The following SPAG16 variants were observed in gnomAD, a reference collection of about 807,000 sequenced individuals.
SPAG16 encodes the protein sperm associated antigen 16.
In SPAG16, 86 loss-of-function variants were observed where a neutral mutation model predicts 80.4. The observed-to-expected ratio is 1.07, with a 90% CI of 0.90 to 1.28. The LOEUF (loss-of-function observed/expected upper bound fraction) is 1.28, where lower values mean the gene tolerates loss of function less well. SPAG16 is among the 50% of genes most tolerant of loss of function. The probability of loss-of-function intolerance (pLI) is 0.00; values close to 1 mark genes in which losing one functional copy is unlikely to be tolerated. For synonymous variants in SPAG16, 294 were observed against 265.9 expected, an observed-to-expected ratio of 1.11 and a Z score of -1.03; for missense variants, 870 against 765.3, an observed-to-expected ratio of 1.14 and a Z score of -1.61.
chr2:213,317,179 A>G, intron 4 of SPAG16, 40 bp from the exon 5 acceptor site: 7 of 1,358,424 alleles, frequency 5.2e-6, no homozygotes, highest in Non-Finnish European at 7.0e-6. Context: ...AATTTGGCAG[A>G]AAGAAATGAT....
chr2:213,935,935 A>G (rs1419617539), intron 12 of SPAG16, among the ~76,000 whole-genome samples: 1 of 152,220 alleles, frequency 6.6e-6, no homozygotes, highest in Non-Finnish European at 1.5e-5. Flanking sequence ...AAATAAGCCA[A>G]ATGAAAAATG....
At chr2:214,301,052 A>G (rs1433739922) in intron 15 of SPAG16, among the ~76,000 whole-genome samples, 3 of 148,030 alleles carry the variant, frequency 2.0e-5, no homozygotes, top group African/African-American at 4.9e-5. Flanking sequence ...TAATAATAAT[A>G]ATAATAATAA....
chr2:214,210,520 T>C (rs1041468028), intron 15 of SPAG16, among the ~76,000 whole-genome samples: 1 of 152,204 alleles, frequency 6.6e-6, no homozygotes, highest in African/African-American at 2.4e-5. Context: ...GTGGATTTTC[T>C]ATTTCCTGGG....
intron 11 of SPAG16, among the ~76,000 whole-genome samples, chr2:213,927,931 T>A (rs2078561389): frequency 6.6e-6 from 1 of 152,222 alleles, no homozygotes; most frequent in African/African-American, 2.4e-5. Flanking sequence ...ATAAGTGTAT[T>A]GTTCAATCTT....
At chr2:213,339,218 C>A (rs546040096) in intron 5 of SPAG16, among the ~76,000 whole-genome samples, 1 of 152,102 alleles carries the variant, frequency 6.6e-6, no homozygotes, top group Non-Finnish European at 1.5e-5. Context: ...CTTCTGACAC[C>A]GCTTAAAGCA....
intron 13 of SPAG16, among the ~76,000 whole-genome samples, chr2:214,078,041 G>A (rs1456171902): frequency 1.3e-5 from 2 of 152,126 alleles, no homozygotes; most frequent in Non-Finnish European, 2.9e-5. Flanking sequence ...GGGAACTCAG[G>A]TGATGAGAGG....
At chr2:213,680,073 C>T (rs1431259323) in intron 10 of SPAG16, among the ~76,000 whole-genome samples, 11 of 152,036 alleles carry the variant, frequency 7.2e-5, no homozygotes. Flanking sequence ...CATGAAGTTG[C>T]ACTCAAAAGC....
chr2:214,098,118 C>G (rs2052732901), intron 13 of SPAG16, among the ~76,000 whole-genome samples: 1 of 152,062 alleles, frequency 6.6e-6, no homozygotes. Context: ...AAATATACAA[C>G]TTTTCATTTT....
intron 10 of SPAG16, among the ~76,000 whole-genome samples, chr2:213,702,310 C>A (rs1050456077): frequency 6.6e-6 from 1 of 152,246 alleles, no homozygotes; most frequent in Non-Finnish European, 1.5e-5. Context: ...CCAGCTGCGG[C>A]AACCCGCTTG....
chr2:213,532,286 C>A (rs1332341450), intron 10 of SPAG16, among the ~76,000 whole-genome samples: 1 of 151,990 alleles, frequency 6.6e-6, no homozygotes, highest in Non-Finnish European at 1.5e-5. Context: ...CTTTAGAAAA[C>A]ATTTATTGTC....
intron 11 of SPAG16, among the ~76,000 whole-genome samples, chr2:213,889,931 T>A (rs973041518): frequency 1.3e-5 from 2 of 151,904 alleles, no homozygotes; most frequent in Admixed American, 6.6e-5. Flanking sequence ...TAAAATGTTC[T>A]ACATTATTAT....
intron 5 of SPAG16, among the ~76,000 whole-genome samples, chr2:213,326,211 A>G (rs141087666): frequency 2.8e-4 from 43 of 152,188 alleles, no homozygotes; most frequent in Non-Finnish European, 4.9e-4. Flanking sequence ...TTATTTTACA[A>G]TCTGCCAGAG....
At chr2:213,359,822 G>C (rs748633327) in intron 7 of SPAG16, among the ~76,000 whole-genome samples, 10 of 152,136 alleles carry the variant, frequency 6.6e-5, no homozygotes, top group East Asian at 1.9e-4. Flanking sequence ...CAGCACCTCA[G>C]TTGGAAATGC....
chr2:213,860,068 G>T (rs1049051359), intron 10 of SPAG16, among the ~76,000 whole-genome samples: 2 of 151,836 alleles, frequency 1.3e-5, no homozygotes, highest in African/African-American at 4.8e-5. Context: ...TTCTGTACGT[G>T]GGAAATATTT....
intron 10 of SPAG16, among the ~76,000 whole-genome samples, chr2:213,817,632 C>A (rs2072639332): frequency 6.6e-6 from 1 of 152,086 alleles, no homozygotes; most frequent in African/African-American, 2.4e-5. Context: ...TACATATATA[C>A]CATAGAATAC....
In SPAG16 at chr2:213,976,884, C is replaced by T. The variant is rs114269208; in HGVS notation, c.1401-37067C>T. ...TCACTATAAAAACCCAGCTGGCTGA[C>T]ACCTTCATTTCAGCCTTGACAAACC... On this transcript the variant is annotated intron_variant, in intron 12 of 15. Coordinates refer to ENST00000331683, the MANE Select transcript of SPAG16 (RefSeq NM_024532.5). 4.5e-3 allele frequency among the ~76,000 whole-genome samples: 692 copies of T among 152,146 alleles called. 5 individuals carry two copies. The highest frequency in any genetic ancestry group is 0.015 in the African/African-American group (635 of 41,508).
chr2:213,658,725 G>C (rs193091388), intron 10 of SPAG16, among the ~76,000 whole-genome samples: 24 of 152,282 alleles, frequency 1.6e-4, no homozygotes, highest in African/African-American at 5.5e-4. Flanking sequence ...GGAGTGAAGA[G>C]TTTGAGGCAT....
At chr2:214,351,985 C>T (rs576843462) in intron 15 of SPAG16, among the ~76,000 whole-genome samples, 3 of 152,102 alleles carry the variant, frequency 2.0e-5, no homozygotes, top group Non-Finnish European at 4.4e-5. Flanking sequence ...GATCAAAATG[C>T]CAACAGATTT....
chr2:214,127,660 G>A (rs2054558612), intron 14 of SPAG16, among the ~76,000 whole-genome samples: 1 of 151,762 alleles, frequency 6.6e-6, no homozygotes, highest in Non-Finnish European at 1.5e-5. Flanking sequence ...TTACAAATTA[G>A]CCAGGATGAT....
Sources: gnomAD v4.1 joint callset for allele counts (sites outside exome capture counted in the v4.1 genomes callset) on GRCh38, gnomAD v4.1.1 for gene constraint, MANE v1.5 for transcripts, NCBI Gene and HGNC (gene_info 2026-07-23, HGNC 2026-07-21) for gene names.